MZT2B: variants seen among roughly 807,000 people sequenced by gnomAD.
The protein encoded by MZT2B is mitotic-spindle organizing protein 2B.
In MZT2B, 11 loss-of-function variants were observed where a neutral mutation model predicts 12.1. That is an observed-to-expected ratio of 0.91 (90% confidence interval 0.57 to 1.50). The LOEUF (loss-of-function observed/expected upper bound fraction) is 1.50. MZT2B is among the 40% of genes most tolerant of loss of function. The pLI is 0.00. For synonymous variants in MZT2B, 85 were observed against 109.5 expected, an observed-to-expected ratio of 0.78 and a Z score of 1.40; for missense variants, 209 against 227.7, an observed-to-expected ratio of 0.92 and a Z score of 0.53.
At position 130,182,326 on chromosome 2, in the gene MZT2B, C is replaced by T. The variant is rs1053492819; in HGVS notation, c.44C>T (p.Pro15Leu). 10 of 1,522,988 alleles carry T rather than the reference C, an allele frequency of 6.6e-6. No individual in the cohort carries two copies. The highest frequency in any genetic ancestry group is 1.4e-5 in the African/African-American group (1 of 70,864). 94.3% of individuals were successfully genotyped at this position (1,522,988 alleles called of 1,614,324 possible). Residue 15 changes from proline to leucine, a missense_variant, in exon 1 of 3, where the codon CCC (proline) becomes CTC (leucine). Transcript: ENST00000281871. ...GGGCCTGGGCCGGGGTCGGCGGCGC[C>T]CCCGGGGCTGGAGGCGGCCCGGCAG... ...GVGPGPGSAA[P>L]PGLEAARQKL... is the part of the protein sequence containing the mutation.
chr2:130,187,186 AC>A (rs1437832420), intron 2 of MZT2B, among the ~76,000 whole-genome samples: 1 of 151,718 alleles, frequency 6.6e-6, no homozygotes, highest in Admixed American at 6.6e-5. Context: ...ATTTTCTTTT[AC>A]TTTTTATTTA....
chr2:130,182,157 C>T (rs1190689295), upstream of MZT2B: 1 of 1,258,824 alleles, frequency 7.9e-7, no homozygotes, highest in East Asian at 3.6e-5. Context: ...GCCCCGTCCC[C>T]GCGCTCCCGC....
At chr2:130,191,867 G>A (rs144996545), downstream of MZT2B, 26 of 1,612,712 alleles carry the variant, frequency 1.6e-5, 1 homozygote, top group Middle Eastern at 1.6e-4. Flanking sequence ...CAGCTTCCAC[G>A]GAATCCACGC....
upstream of MZT2B, chr2:130,182,140 G>A (rs1689710869): frequency 1.6e-6 from 2 of 1,258,778 alleles, no homozygotes; most frequent in East Asian, 3.6e-5. Context: ...ATGACGCCGC[G>A]GAGGCGGCCC....
chr2:130,196,397 C>T, the MZT2B span: 8 of 1,602,602 alleles, frequency 5.0e-6, no homozygotes, highest in African/African-American at 1.3e-5. Flanking sequence ...TAAATGTGAA[C>T]CCATTCATTT....
intron 2 of MZT2B, 71 bp downstream of exon 2, chr2:130,182,846 A>C: frequency 7.0e-7 from 1 of 1,437,210 alleles, no homozygotes; most frequent in Non-Finnish European, 9.3e-7. Flanking sequence ...GGCGCGGCAC[A>C]GCGGCGGCGT....
At chr2:130,201,676 G>A in the MZT2B span, among the ~76,000 whole-genome samples, 2 of 152,202 alleles carry the variant, frequency 1.3e-5, no homozygotes, top group East Asian at 3.9e-4. Context: ...CACATCACAC[G>A]GTGCTCTTCA....
chr2:130,204,712 T>TG, the MZT2B span, among the ~76,000 whole-genome samples: 175 of 47,754 alleles, frequency 3.7e-3, 7 homozygotes, highest in South Asian at 0.07. Flanking sequence ...AAAGGGGGGG[T>TG]GGGGAGGAAG....
the MZT2B span, chr2:130,198,611 G>C: frequency 2.2e-6 from 1 of 452,086 alleles, no homozygotes; most frequent in East Asian, 4.0e-5. Flanking sequence ...AAGGCAGCGG[G>C]GTCATCAAAG....
At chr2:130,183,682 G>T in intron 2 of MZT2B, 1 of 1,540,806 alleles carries the variant, frequency 6.5e-7, no homozygotes, top group Non-Finnish European at 8.8e-7. Flanking sequence ...GCCAGGGCCT[G>T]GGCACCCACA....
chr2:130,193,937 A>C, downstream of MZT2B: 1 of 1,614,236 alleles, frequency 6.2e-7, no homozygotes, highest in Non-Finnish European at 8.5e-7. Flanking sequence ...ACACTTGACC[A>C]TCTGATTGGC....
chr2:130,193,743 C>A, downstream of MZT2B: 1 of 1,566,672 alleles, frequency 6.4e-7, no homozygotes, highest in Non-Finnish European at 8.7e-7. Context: ...TTATTTTGTG[C>A]ATCTGCTGCT....
intron 2 of MZT2B, chr2:130,184,627 GGA>G: frequency 2.0e-6 from 2 of 985,404 alleles, no homozygotes; most frequent in Non-Finnish European, 2.4e-6. Context: ...AAGGGAGGGT[GGA>G]GAGGGGCTGA....
the MZT2B span, among the ~76,000 whole-genome samples, chr2:130,203,092 A>G: frequency 7.7e-6 from 1 of 129,198 alleles, no homozygotes; most frequent in African/African-American, 2.9e-5. Flanking sequence ...CTCTGTCACC[A>G]GGCTGCAGTC....
At chr2:130,193,851 C>T, downstream of MZT2B, 1 of 1,614,168 alleles carries the variant, frequency 6.2e-7, no homozygotes, top group Non-Finnish European at 8.5e-7. Context: ...GTGGCGATGG[C>T]CGCATTGACG....
downstream of MZT2B, among the ~76,000 whole-genome samples, chr2:130,191,424 C>T (rs1289627922): frequency 6.6e-6 from 1 of 152,186 alleles, no homozygotes; most frequent in Non-Finnish European, 1.5e-5. Flanking sequence ...GGACAAGCCC[C>T]ATCCACAGAC....
At position 130,182,518 on chromosome 2, in the gene MZT2B, C is replaced by T. The variant is rs1353963481; in HGVS notation, c.170+66C>T. The T allele has an allele frequency of 3.9e-6, 6 of 1,543,564 alleles. No homozygotes were observed. The South Asian group carries it at 4.8e-5, about 12-fold the overall frequency. On this transcript the variant is annotated intron_variant, in intron 1 of 2. Transcript: ENST00000281871. ...CCCCGACCTCTGCTTTCCGGGTACG[C>T]CCGGCCCGCTGGTCGGGAGGAGCCC...
Position 130,190,640 on chromosome 2 carries a change from C to T in MZT2B, c.*14C>T. The T allele has an allele frequency of 6.3e-7, 1 of 1,589,260 alleles. No homozygotes were observed. The highest frequency in any genetic ancestry group is 8.6e-7 in the Non-Finnish European group (1 of 1,161,710). On this transcript the variant is annotated 3_prime_UTR_variant, in exon 3 of 3. Coordinates refer to ENST00000281871, the MANE Select transcript of MZT2B (RefSeq NM_025029.5). ...GGCAGCACCTAGGATGGGGCAGAGA[C>T]TTGTTGCATCTTTGTCCCCAGCAAA...
intron 2 of MZT2B, among the ~76,000 whole-genome samples, chr2:130,187,957 TC>T (rs1313030143): frequency 6.6e-6 from 1 of 151,246 alleles, no homozygotes; most frequent in African/African-American, 2.4e-5. Flanking sequence ...GGCAGGAAGA[TC>T]CCTCCAGGCC....
Sources: gnomAD v4.1 joint callset for allele counts (sites outside exome capture counted in the v4.1 genomes callset) on GRCh38, gnomAD v4.1.1 for gene constraint, MANE v1.5 for transcripts, NCBI Gene and HGNC (gene_info 2026-07-23, HGNC 2026-07-21) for gene names.